The following SNX13 variants were observed in gnomAD, a reference collection of about 807,000 sequenced individuals.
SNX13 encodes sorting nexin 13.
SNX13 carries 45 observed loss-of-function variants against 133.6 expected under a neutral mutation model. The observed-to-expected ratio is 0.34, with a 90% CI of 0.27 to 0.43. The LOEUF (loss-of-function observed/expected upper bound fraction) is 0.43, where lower values mean the gene tolerates loss of function less well. Ranked by LOEUF, SNX13 falls within the 20% of genes least tolerant of loss-of-function variation. The pLI is 1.00. For missense variants in SNX13, 1,032 were observed against 1,145.1 expected, an observed-to-expected ratio of 0.90 and a Z score of 1.43; for synonymous variants, 414 against 373.9, an observed-to-expected ratio of 1.11 and a Z score of -1.24.
intron 1 of SNX13, among the ~76,000 whole-genome samples, chr7:17,903,955 T>C (rs1288405001): frequency 6.6e-6 from 1 of 152,174 alleles, no homozygotes; most frequent in Non-Finnish European, 1.5e-5. Context: ...CTTACTAGTA[T>C]GCTTAGATAA....
chr7:17,904,683 C>A (rs1302961411), intron 1 of SNX13, among the ~76,000 whole-genome samples: 1 of 152,130 alleles, frequency 6.6e-6, no homozygotes, highest in Non-Finnish European at 1.5e-5. Context: ...GGCTGCCAAA[C>A]AGGGCTAAGA....
At position 17,799,082 on chromosome 7, in the gene SNX13, G is replaced by T. The variant is rs1034795636; in HGVS notation, c.2371C>A (p.Gln791Lys). The change falls in exon 23 of 26, where the codon CAG becomes AAG. Residue 791 changes from glutamine (Q) to lysine (K), a missense_variant. By Grantham distance (53) the Gln-to-Lys change is moderately conservative. Coordinates refer to ENST00000428135, the MANE Select transcript of SNX13 (RefSeq NM_015132.5). ...TTTTTGATATTCCTTCGCAACCACT[G>T]ATTTCTTTCTTTTAAGTCGAATACT... ...DEVFDLKERN[Q>K]WLRRNIKNLL... is the part of the protein sequence containing the mutation. 9 of 1,610,874 alleles carry T rather than the reference G, an allele frequency of 5.6e-6. No individual in the cohort carries two copies. Among genetic ancestry groups the T allele is most frequent in the Non-Finnish European group, 6.8e-6 (8 of 1,177,982 alleles).
At chr7:17,935,871 C>T (rs1193151199) in intron 1 of SNX13, among the ~76,000 whole-genome samples, 1 of 152,152 alleles carries the variant, frequency 6.6e-6, no homozygotes, top group African/African-American at 2.4e-5. Flanking sequence ...GCTTATATAG[C>T]TTAAAGATTA....
chr7:17,823,546 T>C (rs1318930509), intron 17 of SNX13, among the ~76,000 whole-genome samples: 1 of 152,184 alleles, frequency 6.6e-6, no homozygotes. Flanking sequence ...GTACTTTCTT[T>C]CCAAAATTAT....
intron 8 of SNX13, among the ~76,000 whole-genome samples, chr7:17,869,137 G>C (rs953976667): frequency 7.2e-5 from 11 of 151,930 alleles, no homozygotes; most frequent in Non-Finnish European, 1.6e-4. Context: ...AATAAATCTT[G>C]ATCATTCCAA....
chr7:17,876,847 T>C (rs1794781693), intron 5 of SNX13, among the ~76,000 whole-genome samples: 1 of 151,948 alleles, frequency 6.6e-6, no homozygotes. Context: ...TTTTTTAATA[T>C]AATGTTCTTT....
chr7:17,847,766 C>T (rs1461307448), intron 11 of SNX13, among the ~76,000 whole-genome samples: 2 of 152,174 alleles, frequency 1.3e-5, no homozygotes, highest in Non-Finnish European at 2.9e-5. Flanking sequence ...AGATTTTTCT[C>T]CACTACTCCA....
intron 22 of SNX13, 102 bp downstream of exon 22, chr7:17,801,486 A>G: frequency 2.5e-6 from 2 of 800,040 alleles, no homozygotes; most frequent in South Asian, 3.7e-5. Flanking sequence ...AACACTTATA[A>G]TATGTGCACA....
intron 17 of SNX13, among the ~76,000 whole-genome samples, chr7:17,824,774 C>CT (rs35168851): frequency 0.57 from 83,442 of 146,842 alleles, 23,927 homozygotes; most frequent in East Asian, 0.73. Flanking sequence ...GAAGAAATAA[C>CT]TTTTTTTTTT....
chr7:17,866,367 A>C (rs1793399653), intron 9 of SNX13, among the ~76,000 whole-genome samples: 1 of 152,196 alleles, frequency 6.6e-6, no homozygotes. Flanking sequence ...GGTAACATAT[A>C]AATGGAAAAC....
intron 17 of SNX13, among the ~76,000 whole-genome samples, chr7:17,825,467 T>G (rs1787805650): frequency 6.6e-6 from 1 of 152,200 alleles, no homozygotes; most frequent in African/African-American, 2.4e-5. Flanking sequence ...TTAATACTCA[T>G]TAGTGTTATC....
rs979440116 is a variant in SNX13, at chr7:17,931,000, C to T, written c.12+9284G>A. Among the ~76,000 whole-genome samples, 4 of 152,142 alleles carry T rather than the reference C, an allele frequency of 2.6e-5. No individual in the cohort carries two copies. In the East Asian group the frequency reaches 7.7e-4, roughly 29 times the overall value. ...AGCCGTCCGTGGAAAAACTGTCTTC[C>T]ACAAAACCGGTCCCTTGGTGCCAAA... On this transcript the variant is annotated intron_variant, in intron 1 of 25. Coordinates refer to ENST00000428135, the MANE Select transcript of SNX13 (RefSeq NM_015132.5).
chr7:17,861,619 G>T (rs539980646), intron 9 of SNX13, among the ~76,000 whole-genome samples: 1 of 152,140 alleles, frequency 6.6e-6, no homozygotes, highest in Non-Finnish European at 1.5e-5. Context: ...CCTTCTGGTG[G>T]AATGCCCCCA....
intron 22 of SNX13, among the ~76,000 whole-genome samples, chr7:17,800,627 G>A (rs1369627610): frequency 1.3e-5 from 2 of 151,658 alleles, no homozygotes; most frequent in African/African-American, 2.4e-5. Context: ...AAGAAACCTA[G>A]AGAGAAGACA....
At chr7:17,807,996 A>G (rs1306476707) in intron 20 of SNX13, among the ~76,000 whole-genome samples, 1 of 152,236 alleles carries the variant, frequency 6.6e-6, no homozygotes, top group Non-Finnish European at 1.5e-5. Flanking sequence ...CACGAAGAAG[A>G]GGAAAAACCA....
intron 11 of SNX13, among the ~76,000 whole-genome samples, chr7:17,846,053 A>T (rs1286439380): frequency 6.6e-6 from 1 of 152,194 alleles, no homozygotes; most frequent in Non-Finnish European, 1.5e-5. Context: ...CAAGAATTTT[A>T]AAAACTCAAC....
At chr7:17,920,306 C>T (rs1799992518) in intron 1 of SNX13, among the ~76,000 whole-genome samples, 1 of 152,106 alleles carries the variant, frequency 6.6e-6, no homozygotes, top group Non-Finnish European at 1.5e-5. Flanking sequence ...CTAAAACAAA[C>T]TGTTACCAAA....
chr7:17,830,294 C>T, intron 15 of SNX13: 1 of 983,612 alleles, frequency 1.0e-6, no homozygotes, highest in Non-Finnish European at 1.2e-6. Flanking sequence ...ATCAAAAAGG[C>T]ATTCGTGTTC....
At chr7:17,905,737 C>T (rs1798325475) in intron 1 of SNX13, among the ~76,000 whole-genome samples, 2 of 152,180 alleles carry the variant, frequency 1.3e-5, no homozygotes, top group Admixed American at 6.5e-5. Flanking sequence ...CTTGATTCAA[C>T]AGGAGAATAT....
Sources: gnomAD v4.1 joint callset for allele counts (sites outside exome capture counted in the v4.1 genomes callset) on GRCh38, gnomAD v4.1.1 for gene constraint, MANE v1.5 for transcripts, NCBI Gene and HGNC (gene_info 2026-07-23, HGNC 2026-07-21) for gene names.